CTNNA3: variants seen among roughly 807,000 people sequenced by gnomAD.
CTNNA3 encodes the protein catenin alpha 3, also known as catenin alpha-3.
Under a neutral mutation model 95.7 loss-of-function variants are expected in CTNNA3, and 76 were observed. The ratio of observed to expected loss-of-function variants is 0.79; its 90% CI spans 0.66 to 0.96. The LOEUF (loss-of-function observed/expected upper bound fraction) is 0.96. Ranked by LOEUF, CTNNA3 falls within the 40% of genes least tolerant of loss-of-function variation. The pLI is 0.00. For missense variants in CTNNA3, 1,191 were observed against 1,089.8 expected (o/e 1.09, Z -1.31); for synonymous variants, 431 against 374.4 (o/e 1.15, Z -1.74).
At chr10:67,683,283 T>C (rs868058845) in intron 1 of CTNNA3, among the ~76,000 whole-genome samples, 1 of 152,250 alleles carries the variant, frequency 6.6e-6, no homozygotes, top group Admixed American at 6.5e-5. Flanking sequence ...GTTTATGTAT[T>C]ACTCTGTCTT....
chr10:67,082,096 C>T (rs1054501370), intron 7 of CTNNA3, among the ~76,000 whole-genome samples: 1 of 152,132 alleles, frequency 6.6e-6, no homozygotes, highest in Non-Finnish European at 1.5e-5. Flanking sequence ...TCAGCATTCT[C>T]AAGAACCAAT....
chr10:67,420,952 C>T (rs1298706108), intron 5 of CTNNA3, among the ~76,000 whole-genome samples: 1 of 152,030 alleles, frequency 6.6e-6, no homozygotes, highest in African/African-American at 2.4e-5. Flanking sequence ...TTCAAATTTA[C>T]TTATAATAAA....
At chr10:66,259,697 A>T (rs928123111) in intron 13 of CTNNA3, among the ~76,000 whole-genome samples, 3 of 152,130 alleles carry the variant, frequency 2.0e-5, no homozygotes, top group Non-Finnish European at 2.9e-5. Flanking sequence ...CTATCTTAAG[A>T]TTATTAAACA....
chr10:65,956,939 T>A (rs2077743450), intron 17 of CTNNA3, among the ~76,000 whole-genome samples: 1 of 152,204 alleles, frequency 6.6e-6, no homozygotes, highest in Admixed American at 6.5e-5. Context: ...GTCCTGGATA[T>A]CCTTGTTAAC....
rs555731621 is a variant in CTNNA3, at chr10:66,726,318, A to G, written c.1281+39946T>C. On this transcript the variant is annotated intron_variant, in intron 9 of 17. Coordinates refer to ENST00000433211, the MANE Select transcript of CTNNA3 (RefSeq NM_013266.4). ...GGAAATTAGAAAGAATAAGTATGAT[A>G]TAATTCAAAATGTAAAGCCAATATC... is the stretch of plus-strand genomic sequence containing the variant. 2.6e-5 allele frequency among the ~76,000 whole-genome samples: 4 copies of G among 152,248 alleles called. No individual in the cohort carries two copies. The East Asian group carries it at 7.7e-4, about 29-fold the overall frequency.
intron 9 of CTNNA3, among the ~76,000 whole-genome samples, chr10:66,654,974 G>T (rs1367492616): frequency 1.3e-5 from 2 of 151,966 alleles, no homozygotes; most frequent in African/African-American, 4.8e-5. Flanking sequence ...ATGGTCAAAG[G>T]ATACAACATT....
intron 11 of CTNNA3, among the ~76,000 whole-genome samples, chr10:66,416,547 T>C (rs1459457670): frequency 7.5e-6 from 1 of 134,142 alleles, no homozygotes; most frequent in Non-Finnish European, 1.6e-5. Flanking sequence ...GAATTTTTTT[T>C]TTTAAAAAAA....
At chr10:67,588,078 C>A (rs972230511) in intron 3 of CTNNA3, among the ~76,000 whole-genome samples, 1 of 151,934 alleles carries the variant, frequency 6.6e-6, no homozygotes, top group Non-Finnish European at 1.5e-5. Context: ...TATCTGTCTC[C>A]TTGATTTCTC....
At chr10:66,258,440 G>A (rs892556390) in intron 13 of CTNNA3, among the ~76,000 whole-genome samples, 5 of 152,048 alleles carry the variant, frequency 3.3e-5, no homozygotes, top group Non-Finnish European at 5.9e-5. Flanking sequence ...TCCTTCCTTT[G>A]GATTAAAAGG....
At chr10:67,367,587 T>C (rs1324581715) in intron 5 of CTNNA3, among the ~76,000 whole-genome samples, 1 of 152,114 alleles carries the variant, frequency 6.6e-6, no homozygotes, top group African/African-American at 2.4e-5. Context: ...AGGACAATTA[T>C]TCATTCAACC....
intron 3 of CTNNA3, among the ~76,000 whole-genome samples, chr10:67,554,645 T>C (rs972664304): frequency 6.6e-6 from 1 of 152,240 alleles, no homozygotes; most frequent in Non-Finnish European, 1.5e-5. Context: ...TTGTAGATTC[T>C]GTATATTAGC....
Position 67,181,102 on chromosome 10 carries a change from T to C in CTNNA3, c.844-582A>G, listed in dbSNP as rs1306017178. Among the ~76,000 whole-genome samples the C allele has an allele frequency of 3.9e-5, 6 of 152,310 alleles. No homozygotes were observed. In the East Asian group the frequency reaches 9.6e-4, roughly 24 times the overall value. ...TGACGTTCAGACAAGTATCCATGTC[T>C]TTCAATACCAGATTTAATATTATTT... On this transcript the variant is annotated intron_variant, in intron 6 of 17. Transcript: ENST00000433211.
chr10:66,865,586 T>G (rs561390389), intron 7 of CTNNA3, among the ~76,000 whole-genome samples: 1 of 152,254 alleles, frequency 6.6e-6, no homozygotes, highest in African/African-American at 2.4e-5. Context: ...TGGCACAATT[T>G]ATGTAATCAA....
intron 5 of CTNNA3, among the ~76,000 whole-genome samples, chr10:67,241,893 A>G (rs887888075): frequency 6.6e-6 from 1 of 152,198 alleles, no homozygotes; most frequent in Non-Finnish European, 1.5e-5. Flanking sequence ...GATGCTTCCT[A>G]TATTCAAGTA....
Position 67,080,826 on chromosome 10 carries a change from G to A in CTNNA3, c.1047+99491C>T, listed in dbSNP as rs377632502. Among the ~76,000 whole-genome samples, 154 of 151,730 alleles carry A rather than the reference G, an allele frequency of 1.0e-3. 1 individual carries two copies. The highest frequency in any genetic ancestry group is 6.8e-3 in the Middle Eastern group (2 of 292). ...CGGGAGGCTGAGGCAGGAGAATGGC[G>A]TGAACCCGGGAGGCAGAGCTTGCAG... On this transcript the variant is annotated intron_variant, in intron 7 of 17. Transcript: ENST00000433211.
chr10:66,028,568 G>C (rs1199945859), intron 15 of CTNNA3, among the ~76,000 whole-genome samples: 1 of 151,206 alleles, frequency 6.6e-6, no homozygotes, highest in Non-Finnish European at 1.5e-5. Flanking sequence ...ACACAGGAAG[G>C]GGAACATCAC....
chr10:66,770,364 T>C (rs966164767), intron 8 of CTNNA3, among the ~76,000 whole-genome samples: 1 of 152,174 alleles, frequency 6.6e-6, no homozygotes, highest in African/African-American at 2.4e-5. Context: ...AGTTGGGTGA[T>C]ATACAAAAAG....
At chr10:65,997,621 A>C (rs79028152) in intron 15 of CTNNA3, among the ~76,000 whole-genome samples, 16,347 of 152,258 alleles carry the variant, frequency 0.11, 1,106 homozygotes, top group East Asian at 0.2. Flanking sequence ...AGAGTACCGG[A>C]AAGTCAATGA....
intron 9 of CTNNA3, among the ~76,000 whole-genome samples, chr10:66,709,466 C>A (rs1350309928): frequency 6.6e-6 from 1 of 152,002 alleles, no homozygotes; most frequent in Non-Finnish European, 1.5e-5. Flanking sequence ...TGGAAAGCCC[C>A]ATAAATTAGA....
Sources: allele counts gnomAD v4.1 joint callset (sites outside exome capture counted in the v4.1 genomes callset), GRCh38; gene constraint gnomAD v4.1.1; transcripts MANE v1.5; gene names NCBI Gene and HGNC (gene_info 2026-07-23, HGNC 2026-07-21).